SPAST: variants seen among roughly 807,000 people sequenced by gnomAD.
SPAST encodes the protein spastin.
Under a neutral mutation model 76.6 loss-of-function variants are expected in SPAST, and 30 were observed. That is an observed-to-expected ratio of 0.39 (90% CI 0.29 to 0.53). SPAST has a LOEUF of 0.53. Ranked by LOEUF, SPAST falls within the 20% of genes least tolerant of loss-of-function variation. The pLI, the probability that SPAST is intolerant of heterozygous loss-of-function variation, is 0.68. For synonymous variants in SPAST, 305 were observed against 281.0 expected (o/e 1.09, Z -0.86); for missense variants, 717 against 770.5 (o/e 0.93, Z 0.82).
At chr2:32,112,270 A>T (rs145040740) in intron 4 of SPAST, among the ~76,000 whole-genome samples, 12 of 151,098 alleles carry the variant, frequency 7.9e-5, no homozygotes, top group African/African-American at 2.4e-4. Flanking sequence ...ATTATTGACT[A>T]TTGATGCCCT....
At position 32,063,670 on chromosome 2, in the gene SPAST, AGGGGCGGGGCCGGC is replaced by A; in HGVS notation, c.-158_-145del. 1.1e-6 allele frequency: 1 copy of A among 900,072 alleles called. No homozygotes were observed. Among genetic ancestry groups the A allele is most frequent in the Non-Finnish European group, 1.6e-6 (1 of 614,300 alleles). 55.8% of individuals were successfully genotyped at this position (900,072 alleles called of 1,614,324 possible). On this transcript the variant is annotated 5_prime_UTR_variant, in exon 1 of 17. Transcript: ENST00000315285. ...TGTGCTCCTGGCCGAGGAAGGAGAA[AGGGGCGGGGCCGGC>A]GGGCAGCGTGCGGCAGTGCGGAGCT...
At chr2:32,101,824 A>C (rs1422636284) in intron 4 of SPAST, among the ~76,000 whole-genome samples, 1 of 152,080 alleles carries the variant, frequency 6.6e-6, no homozygotes, top group Admixed American at 6.6e-5. Context: ...GTTCTGTTCC[A>C]TTGGTCTATA....
At chr2:32,115,649 A>C (rs986661733) in intron 5 of SPAST, 53 bp from the exon 6 acceptor site, 8 of 1,369,332 alleles carry the variant, frequency 5.8e-6, no homozygotes, top group Non-Finnish European at 8.2e-6. Flanking sequence ...CTTATTTATG[A>C]AAAGTGTAAA....
At chr2:32,103,120 A>C (rs866132159) in intron 4 of SPAST, among the ~76,000 whole-genome samples, 51 of 152,186 alleles carry the variant, frequency 3.4e-4, no homozygotes, top group African/African-American at 1.2e-3. Flanking sequence ...TTAGTAGGCT[A>C]TTAATTATTG....
At chr2:32,082,076 C>G (rs1400021125) in intron 1 of SPAST, among the ~76,000 whole-genome samples, 1 of 144,916 alleles carries the variant, frequency 6.9e-6, no homozygotes, top group African/African-American at 2.5e-5. Context: ...TGCAACCTCT[C>G]CCTCCTGGGT....
chr2:32,103,310 A>T (rs534468746), intron 4 of SPAST, among the ~76,000 whole-genome samples: 2 of 152,058 alleles, frequency 1.3e-5, no homozygotes, highest in East Asian at 3.9e-4. Flanking sequence ...ATCGGTGGTG[A>T]TATCCCCTTT....
At chr2:32,082,847 A>G (rs1051119652) in intron 1 of SPAST, among the ~76,000 whole-genome samples, 1 of 152,144 alleles carries the variant, frequency 6.6e-6, no homozygotes, top group Non-Finnish European at 1.5e-5. Flanking sequence ...ATATGTCAGT[A>G]GTTTGTTTCT....
intron 1 of SPAST, among the ~76,000 whole-genome samples, chr2:32,082,023 T>C (rs1323661652): frequency 7.0e-6 from 1 of 142,878 alleles, no homozygotes; most frequent in Non-Finnish European, 1.5e-5. Flanking sequence ...TTTTTTTTTT[T>C]TTTTTGAGAC....
At chr2:32,106,190 G>A (rs542847428) in intron 4 of SPAST, among the ~76,000 whole-genome samples, 5 of 152,282 alleles carry the variant, frequency 3.3e-5, no homozygotes, top group East Asian at 1.9e-4. Flanking sequence ...CCTCTTTGCC[G>A]CCTTGCAGTT....
At position 32,098,691 on chromosome 2, in the gene SPAST, GGTAACACCTTGA is replaced by G; in HGVS notation, c.587-100_587-89del. The G allele has an allele frequency of 4.0e-6, 3 of 742,094 alleles. No individual in the cohort carries two copies. In the South Asian group the frequency reaches 4.7e-5, roughly 12 times the overall value. 46.0% of individuals were successfully genotyped at this position (742,094 alleles called of 1,614,324 possible). A position where few individuals can be genotyped will look rare whatever the true frequency, so the allele number is the denominator to read the frequency against. On this transcript the variant is annotated intron_variant, in intron 3 of 16. Coordinates refer to ENST00000315285, the MANE Select transcript of SPAST (RefSeq NM_014946.4). The stretch of plus-strand genomic sequence containing the variant: ...AAAACTTTTTATCATGTAACAATCT[GGTAACACCTTGA>G]GTAATTTGTCATTTCACATGCACAT...
chr2:32,109,982 T>G (rs116256859), intron 4 of SPAST, among the ~76,000 whole-genome samples: 1 of 148,586 alleles, frequency 6.7e-6, no homozygotes, highest in African/African-American at 2.5e-5. Context: ...ACATATATAG[T>G]TATATATGTA....
At chr2:32,104,039 A>G (rs1337678491) in intron 4 of SPAST, among the ~76,000 whole-genome samples, 1 of 152,024 alleles carries the variant, frequency 6.6e-6, no homozygotes, top group East Asian at 1.9e-4. Context: ...TCTGTCTAAT[A>G]TTGACAGTGG....
rs532749216 is a variant in SPAST, at chr2:32,082,953, G to C, written c.416-4539G>C. Among the ~76,000 whole-genome samples the C allele has an allele frequency of 2.4e-4, 37 of 152,082 alleles. 1 individual carries two copies. In the South Asian group the frequency reaches 5.2e-3, roughly 21 times the overall value. On this transcript the variant is annotated intron_variant, in intron 1 of 16. Transcript: ENST00000315285. ...GTTGTTTCCTGTTTTTGTTATTGTT[G>C]TTGTTGTTGTTTAATTAATTAATTA...
At position 32,063,571 on chromosome 2, in the gene SPAST, A is replaced by C. The variant is rs1676366815; in HGVS notation, c.-261A>C. ...GTGCGCGTGCGCGGCCGCCGCTGGG[A>C]GCCACCAGGCGGCGGAGAGGACAGC... On this transcript the variant is annotated 5_prime_UTR_variant, in exon 1 of 17. Transcript: ENST00000315285. 1 of 504,278 alleles carries C rather than the reference A, an allele frequency of 2.0e-6. No homozygotes were observed. The highest frequency in any genetic ancestry group is 3.5e-6 in the Non-Finnish European group (1 of 287,446). The allele number at this position is 504,278 out of a possible 1,614,324, so 31.2% of individuals were successfully genotyped here. A position where few individuals can be genotyped will look rare whatever the true frequency, so the allele number is the denominator to read the frequency against.
At chr2:32,116,354 T>G (rs892187504) in intron 7 of SPAST, 142 bp downstream of exon 7, 6 of 642,888 alleles carry the variant, frequency 9.3e-6, no homozygotes, top group Admixed American at 2.6e-5. Context: ...TTAAAAAAGA[T>G]AAAACATTAA....
intron 4 of SPAST, among the ~76,000 whole-genome samples, chr2:32,113,140 T>A (rs942709828): frequency 5.9e-5 from 9 of 152,122 alleles, no homozygotes; most frequent in Non-Finnish European, 1.0e-4. Context: ...TTATTATTTT[T>A]TTTTTGAGAC....
chr2:32,068,899 A>G (rs1251420434), intron 1 of SPAST, among the ~76,000 whole-genome samples: 1 of 151,648 alleles, frequency 6.6e-6, no homozygotes, highest in African/African-American at 2.4e-5. Context: ...CCATCAAAAA[A>G]AAAAAAAAAG....
chr2:32,154,284 A>ACAG, intron 16 of SPAST, 90 bp from the exon 17 acceptor site: 1 of 1,103,800 alleles, frequency 9.1e-7, no homozygotes, highest in South Asian at 1.3e-5. Context: ...ACATTAAGAA[A>ACAG]CAGCAGCATC....
intron 1 of SPAST, among the ~76,000 whole-genome samples, chr2:32,064,603 G>C (rs560263969): frequency 1.3e-5 from 2 of 152,068 alleles, no homozygotes; most frequent in African/African-American, 4.8e-5. Context: ...AGCTTCCTCT[G>C]AACCAAGGTT....
Sources: allele counts gnomAD v4.1 joint callset (sites outside exome capture counted in the v4.1 genomes callset), GRCh38; gene constraint gnomAD v4.1.1; transcripts MANE v1.5; gene names NCBI Gene and HGNC (gene_info 2026-07-23, HGNC 2026-07-21).